The following BROX variants were observed in gnomAD, a reference collection of about 807,000 sequenced individuals.
BROX encodes the protein BRO1 domain-containing protein BROX.
In BROX, 53 loss-of-function variants were observed where a neutral mutation model predicts 61.0. The ratio of observed to expected loss-of-function variants is 0.87; its 90% CI spans 0.70 to 1.09. The LOEUF (loss-of-function observed/expected upper bound fraction) is 1.09, where lower values mean the gene tolerates loss of function less well. Ranked by LOEUF, BROX falls within the 50% of genes least tolerant of loss-of-function variation. The pLI is 0.00. For missense variants in BROX, 489 were observed against 472.0 expected (o/e 1.04, Z -0.33); for synonymous variants, 152 against 160.2 (o/e 0.95, Z 0.38).
At chr1:222,718,816 T>G in intron 2 of BROX, 109 bp from the exon 3 acceptor site, 1 of 793,780 alleles carries the variant, frequency 1.3e-6, no homozygotes, top group Non-Finnish European at 2.2e-6. Flanking sequence ...CTGGTGCGTG[T>G]GTGTATGTGT....
At chr1:222,731,660 C>A in intron 12 of BROX, 144 bp downstream of exon 12, 1 of 814,916 alleles carries the variant, frequency 1.2e-6, no homozygotes, top group African/African-American at 1.8e-5. Context: ...TTAATGTAAT[C>A]TGTGGTAGAA....
In BROX at chr1:222,719,767, C is replaced by T. The variant is rs189475681; in HGVS notation, c.305+408C>T. Among the ~76,000 whole-genome samples, 156 of 152,318 alleles carry T rather than the reference C, an allele frequency of 1.0e-3. 1 individual carries two copies. Among genetic ancestry groups the T allele is most frequent in the African/African-American group, 3.5e-3 (146 of 41,580 alleles). On this transcript the variant is annotated intron_variant, in intron 4 of 12. Coordinates refer to ENST00000340934, the MANE Select transcript of BROX (RefSeq NM_144695.4). ...CATTAGTCTTTGTCTCATTCTTTCT[C>T]TCCAACTCCATACTCTTGATTCACA...
At position 222,734,519 on chromosome 1, in the gene BROX, A is replaced by C. The variant is rs540556841; in HGVS notation, c.*1805A>C. The C allele has an allele frequency of 5.9e-5, 9 of 152,340 alleles. No individual in the cohort carries two copies. Among genetic ancestry groups the C allele is most frequent in the South Asian group, 2.1e-4 (1 of 4,826 alleles). 9.4% of individuals were successfully genotyped at this position (152,340 alleles called of 1,614,324 possible). ...TTTTTCTTAACATACAGAAGTACTA[A>C]ATACTGCTTGCAGTATAATATTGAT... On this transcript the variant is annotated 3_prime_UTR_variant, in exon 13 of 13. Coordinates refer to ENST00000340934, the MANE Select transcript of BROX (RefSeq NM_144695.4).
At chr1:222,713,244 C>T (rs949131349) in intron 1 of BROX, 42 of 986,302 alleles carry the variant, frequency 4.3e-5, no homozygotes, top group African/African-American at 2.3e-4. Flanking sequence ...GCCACCTCTC[C>T]CGGGTTGACA....
At position 222,726,541 on chromosome 1, in the gene BROX, A is replaced by G. The variant is rs1356571522; in HGVS notation, c.581-627A>G. ...AGACCAGCCTGACCAACATGGAGAA[A>G]CCCCATCTCCACTAAAACATACAAA... On this transcript the variant is annotated intron_variant, in intron 7 of 12. Transcript: ENST00000340934. 3.3e-5 allele frequency among the ~76,000 whole-genome samples: 5 copies of G among 151,614 alleles called. No individual in the cohort carries two copies. In the East Asian group the frequency reaches 7.8e-4, roughly 24 times the overall value.
At chr1:222,717,932 GT>G (rs1379264815) in intron 2 of BROX, 1 of 152,116 alleles carries the variant, frequency 6.6e-6, no homozygotes, top group African/African-American at 2.4e-5. Context: ...TTCTTTAATG[GT>G]TTACACATAT....
intron 1 of BROX, chr1:222,715,411 CA>C (rs2124993080): frequency 1.2e-5 from 2 of 169,960 alleles, no homozygotes; most frequent in East Asian, 3.2e-4. Context: ...CATAAATAGA[CA>C]AAACATAACC....
intron 6 of BROX, among the ~76,000 whole-genome samples, chr1:222,724,589 C>A (rs1186514225): frequency 6.6e-6 from 1 of 152,114 alleles, no homozygotes; most frequent in East Asian, 1.9e-4. Context: ...TCAGTGCACT[C>A]TAATTGTATT....
In BROX at chr1:222,733,235, T is replaced by G. The variant is rs1658084002; in HGVS notation, c.*521T>G. ...AGCTGGGATTACAGGCACGCACCAC[T>G]ACACCCAGATAATTTTTGTATTTTT... On this transcript the variant is annotated 3_prime_UTR_variant, in exon 13 of 13. Transcript: ENST00000340934. 1 of 152,090 alleles carries G rather than the reference T, an allele frequency of 6.6e-6. No homozygotes were observed. The highest frequency in any genetic ancestry group is 1.5e-5 in the Non-Finnish European group (1 of 68,280). The allele number at this position is 152,090 out of a possible 1,614,324, so 9.4% of individuals were successfully genotyped here.
chr1:222,728,877 C>T (rs374850220), intron 9 of BROX, 49 bp downstream of exon 9: 10 of 1,349,574 alleles, frequency 7.4e-6, no homozygotes, highest in African/African-American at 1.4e-5. Context: ...TTTCTCCAGC[C>T]CTTGGAGTGC....
chr1:222,713,070 C>T (rs1400985294), intron 1 of BROX, 128 bp downstream of exon 1: 11 of 1,035,434 alleles, frequency 1.1e-5, no homozygotes, highest in Non-Finnish European at 1.3e-5. Context: ...CAAAAGTCTC[C>T]TTCTAGTGCC....
At chr1:222,722,281 A>G in intron 4 of BROX, 138 bp from the exon 5 acceptor site, 1 of 707,762 alleles carries the variant, frequency 1.4e-6, no homozygotes, top group South Asian at 1.6e-5. Context: ...CTCCCCATCT[A>G]TATTAAACAC....
chr1:222,730,843 T>C (rs941774846), intron 11 of BROX, among the ~76,000 whole-genome samples: 3 of 152,190 alleles, frequency 2.0e-5, no homozygotes, highest in Non-Finnish European at 4.4e-5. Context: ...CTCCTTTGCA[T>C]ATTCGTCTCA....
intron 8 of BROX, among the ~76,000 whole-genome samples, chr1:222,727,700 T>C (rs1657610618): frequency 6.6e-6 from 1 of 152,192 alleles, no homozygotes; most frequent in South Asian, 2.1e-4. Flanking sequence ...TTACTGTTTT[T>C]GTTGCTAAGG....
intron 6 of BROX, among the ~76,000 whole-genome samples, chr1:222,725,014 C>T (rs1463689215): frequency 3.3e-5 from 5 of 152,112 alleles, no homozygotes; most frequent in African/African-American, 1.2e-4. Context: ...AGGCTGGTCT[C>T]AAACTCCTGA....
rs773048248 is a variant in BROX at position 222,728,819 on chromosome 1, C to T, written c.747C>T (p.Tyr249=). Residue 249 remains tyrosine, a synonymous_variant, in exon 9 of 13, where the codon TAC becomes TAT. Transcript: ENST00000340934. ...RKYLHLKMCF[Y]TAYAYCYHGE... ...ATCTTCACTTGAAGATGTGTTTCTA[C>T]ACAGCTTATGTAAGTATTCACAACG... is the stretch of plus-strand genomic sequence containing the variant. 2 of 1,594,606 alleles carry T rather than the reference C, an allele frequency of 1.3e-6. No homozygotes were observed. The highest frequency in any genetic ancestry group is 3.3e-5 in the Admixed American group (2 of 59,858).
intron 1 of BROX, 49 bp downstream of exon 1, chr1:222,712,991 TC>T: frequency 8.5e-7 from 1 of 1,172,930 alleles, no homozygotes; most frequent in Non-Finnish European, 1.1e-6. Context: ...CCCCGCTACT[TC>T]CCCGGAGTCT....
chr1:222,721,078 CATG>C (rs1657064480), intron 4 of BROX, among the ~76,000 whole-genome samples: 1 of 152,094 alleles, frequency 6.6e-6, no homozygotes, highest in Non-Finnish European at 1.5e-5. Flanking sequence ...GGAAACAAGG[CATG>C]TTAAATGAAG....
At chr1:222,730,247 T>A (rs1293474554) in intron 11 of BROX, 70 bp downstream of exon 11, 2 of 1,082,802 alleles carry the variant, frequency 1.8e-6, no homozygotes, top group Admixed American at 7.1e-5. Flanking sequence ...AATATTAATA[T>A]TTTAGTAATA....
Sources: allele counts gnomAD v4.1 joint callset (sites outside exome capture counted in the v4.1 genomes callset), GRCh38; gene constraint gnomAD v4.1.1; transcripts MANE v1.5; gene names NCBI Gene and HGNC (gene_info 2026-07-23, HGNC 2026-07-21).